Variants in FCHO2 observed in about 807,000 individuals in gnomAD.
The protein encoded by FCHO2 is F-BAR domain only protein 2.
A neutral mutation model predicts 114.1 loss-of-function variants in FCHO2; 43 were observed. The observed-to-expected ratio is 0.38, with a 90% CI of 0.30 to 0.49. FCHO2 has a LOEUF of 0.49. Among genes scored for constraint, FCHO2 ranks in the 20% least tolerant of loss-of-function variants. FCHO2 has a pLI of 0.97. For missense variants in FCHO2, 807 were observed against 950.4 expected (o/e 0.85, Z 1.98); for synonymous variants, 293 against 315.2 (o/e 0.93, Z 0.75).
In FCHO2 at chr5:73,068,656, C is replaced by A; in HGVS notation, c.1456C>A (p.Pro486Thr). Residue 486 changes from proline (P) to threonine (T), a missense_variant, in exon 19 of 26, where the codon CCA becomes ACA. By Grantham distance (38) the Pro-to-Thr change is conservative (BLOSUM62 -1). Coordinates refer to ENST00000430046, the MANE Select transcript of FCHO2 (RefSeq NM_138782.3). ...KLSGINEIPR[P>T]FSPPVTSNTS... is the part of the protein sequence containing the mutation. ...ATAACTTTTTGTTTTTAAGCCCAGG[C>A]CATTCAGCCCACCTGTAACTTCCAA... 1 of 1,610,176 alleles carries A rather than the reference C, an allele frequency of 6.2e-7. No individual in the cohort carries two copies. Among genetic ancestry groups the A allele is most frequent in the Non-Finnish European group, 8.5e-7 (1 of 1,177,914 alleles).
intron 8 of FCHO2, among the ~76,000 whole-genome samples, chr5:73,024,496 G>A (rs1561457304): frequency 6.6e-6 from 1 of 151,432 alleles, no homozygotes; most frequent in Non-Finnish European, 1.5e-5. Context: ...CTGGAGTGCA[G>A]TGGCATGGTC....
intron 17 of FCHO2, among the ~76,000 whole-genome samples, chr5:73,058,744 G>A (rs952073204): frequency 2.0e-5 from 3 of 151,764 alleles, no homozygotes; most frequent in Non-Finnish European, 2.9e-5. Context: ...TTTTAAATTG[G>A]CATGTTATTT....
chr5:72,988,264 C>A (rs1753641383), intron 2 of FCHO2, among the ~76,000 whole-genome samples: 1 of 152,080 alleles, frequency 6.6e-6, no homozygotes, highest in Admixed American at 6.6e-5. Flanking sequence ...ATGGTGAAAT[C>A]CTGTCTCTAC....
chr5:73,038,238 C>T (rs1205448131), intron 10 of FCHO2: 1 of 152,204 alleles, frequency 6.6e-6, no homozygotes, highest in Non-Finnish European at 1.5e-5. Context: ...GGTCCCACCT[C>T]AGATCAATTA....
At chr5:72,962,242 A>G (rs1357007536) in intron 1 of FCHO2, among the ~76,000 whole-genome samples, 1 of 152,068 alleles carries the variant, frequency 6.6e-6, no homozygotes, top group Non-Finnish European at 1.5e-5. Flanking sequence ...CAGGGGGAGG[A>G]TTTTAGAACT....
intron 5 of FCHO2, chr5:72,996,982 G>C (rs1754154231): frequency 6.2e-7 from 1 of 1,607,090 alleles, no homozygotes; most frequent in African/African-American, 1.3e-5. Flanking sequence ...CCAAGCTCTG[G>C]AGCTTCTCCG....
At chr5:72,972,810 C>G (rs929047731) in intron 2 of FCHO2, among the ~76,000 whole-genome samples, 5 of 152,046 alleles carry the variant, frequency 3.3e-5, no homozygotes, top group African/African-American at 9.7e-5. Flanking sequence ...CCAGTTTTTG[C>G]CCATTCAGTA....
intron 10 of FCHO2, among the ~76,000 whole-genome samples, chr5:73,040,952 C>T (rs1756773294): frequency 6.6e-6 from 1 of 151,952 alleles, no homozygotes; most frequent in Admixed American, 6.6e-5. Flanking sequence ...GGACTGACAG[C>T]TTTCTTGATG....
chr5:73,026,996 A>G (rs1580127268), intron 8 of FCHO2, among the ~76,000 whole-genome samples: 1 of 132,758 alleles, frequency 7.5e-6, no homozygotes, highest in South Asian at 2.5e-4. Context: ...CTGGCCTGTC[A>G]TTGTTTTTTT....
At position 73,020,991 on chromosome 5, in the gene FCHO2, C is replaced by G. The variant is rs563673455; in HGVS notation, c.796+3683C>G. ...GTTCGGGTCCATTCACATCTTTGCT[C>G]TTTTCATTATCCTCAATGGGGTGGA... is the stretch of plus-strand genomic sequence containing the variant. On this transcript the variant is annotated intron_variant, in intron 8 of 25. Coordinates refer to ENST00000430046, the MANE Select transcript of FCHO2 (RefSeq NM_138782.3). The G allele has an allele frequency of 1.9e-6, 3 of 1,588,726 alleles. No individual in the cohort carries two copies. In the East Asian group the frequency reaches 6.7e-5, roughly 35 times the overall value.
At position 73,089,301 on chromosome 5, in the gene FCHO2, G is replaced by A. The variant is rs1743410534; in HGVS notation, c.*1211G>A. The A allele has an allele frequency of 6.6e-6, 1 of 152,316 alleles. No homozygotes were observed. Among genetic ancestry groups the A allele is most frequent in the Admixed American group, 6.6e-5 (1 of 15,256 alleles). 9.4% of individuals were successfully genotyped at this position (152,316 alleles called of 1,614,324 possible). ...TATGCATTTATTTACTGATTGTGTT[G>A]TGAACATGAGTTTTATGGTATTTTG... is the stretch of plus-strand genomic sequence containing the variant. On this transcript the variant is annotated 3_prime_UTR_variant, in exon 26 of 26. Transcript: ENST00000430046.
chr5:73,082,595 G>A (rs975473712), intron 23 of FCHO2, among the ~76,000 whole-genome samples, 166 bp from the exon 24 acceptor site: 1 of 152,128 alleles, frequency 6.6e-6, no homozygotes, highest in Non-Finnish European at 1.5e-5. Flanking sequence ...ACAGCATTAT[G>A]TTTATACTAT....
intron 10 of FCHO2, among the ~76,000 whole-genome samples, chr5:73,040,182 G>A (rs962071688): frequency 5.3e-5 from 8 of 152,062 alleles, no homozygotes; most frequent in African/African-American, 9.7e-5. Flanking sequence ...CACACATTGC[G>A]TATCCTTTGA....
intron 1 of FCHO2, among the ~76,000 whole-genome samples, chr5:72,959,172 G>T (rs565809465): frequency 2.8e-4 from 43 of 152,156 alleles, no homozygotes; most frequent in Non-Finnish European, 4.9e-4. Context: ...AGCTAGGAAG[G>T]TCTAGGAATT....
intron 2 of FCHO2, among the ~76,000 whole-genome samples, chr5:72,972,815 T>G (rs1395648680): frequency 6.6e-6 from 1 of 152,144 alleles, no homozygotes; most frequent in Non-Finnish European, 1.5e-5. Context: ...TTTTGCCCAT[T>G]CAGTATGATA....
intron 5 of FCHO2, among the ~76,000 whole-genome samples, chr5:72,993,794 G>A (rs1438046803): frequency 6.6e-6 from 1 of 152,052 alleles, no homozygotes; most frequent in African/African-American, 2.4e-5. Context: ...GATACCTTTT[G>A]GTAAGATCAA....
Position 73,087,741 on chromosome 5 carries a change from C to T in FCHO2, c.2398C>T (p.Arg800Trp), listed in dbSNP as rs546099960. The T allele has an allele frequency of 1.4e-5, 22 of 1,576,688 alleles. No homozygotes were observed. Among genetic ancestry groups the T allele is most frequent in the South Asian group, 4.7e-5 (4 of 84,930 alleles). Residue 800 changes from arginine to tryptophan, a missense_variant, in exon 25 of 26, where the codon CGG becomes TGG. Arg to Trp is a moderately radical substitution (Grantham distance 101, BLOSUM62 -3). Transcript: ENST00000430046. ...TGYRLSLIKK[R>W]FATGRYLADC The stretch of plus-strand genomic sequence containing the variant: ...CTATAGGCTTTCCTTAATAAAGAAG[C>T]GGTTTGCTACTGGTAAGTTAGGAGA...
chr5:72,989,278 G>A (rs1342445285), intron 2 of FCHO2, 149 bp from the exon 3 acceptor site: 8 of 577,834 alleles, frequency 1.4e-5, no homozygotes, highest in Non-Finnish European at 2.1e-5. Context: ...AAGATAGGCC[G>A]GAAATTCATG....
At chr5:73,021,101 G>A (rs546712923) in intron 8 of FCHO2, 338 of 797,488 alleles carry the variant, frequency 4.2e-4, no homozygotes, top group Non-Finnish European at 5.7e-4. Flanking sequence ...CGGTCCCCCA[G>A]TGGGTTGATG....
Sources: gnomAD v4.1 joint callset for allele counts (sites outside exome capture counted in the v4.1 genomes callset) on GRCh38, gnomAD v4.1.1 for gene constraint, MANE v1.5 for transcripts, NCBI Gene and HGNC (gene_info 2026-07-23, HGNC 2026-07-21) for gene names.